TBC1D19: variants seen among roughly 807,000 people sequenced by gnomAD.
The protein encoded by TBC1D19 is TBC1 domain family member 19.
In TBC1D19, 60 loss-of-function variants were observed where a neutral mutation model predicts 89.0. The observed-to-expected ratio is 0.67, with a 90% CI of 0.55 to 0.84. TBC1D19 has a LOEUF of 0.84. Ranked by LOEUF, TBC1D19 falls within the 40% of genes least tolerant of loss-of-function variation. The probability of loss-of-function intolerance (pLI) is 0.00; values close to 1 mark genes in which losing one functional copy is unlikely to be tolerated. For missense variants in TBC1D19, 500 were observed against 610.8 expected (o/e 0.82, Z 1.91); for synonymous variants, 189 against 199.7 (o/e 0.95, Z 0.45).
intron 4 of TBC1D19, among the ~76,000 whole-genome samples, chr4:26,627,386 A>G (rs372411779): frequency 2.8e-4 from 42 of 152,236 alleles, no homozygotes; most frequent in African/African-American, 9.4e-4. Flanking sequence ...ATGATTTATA[A>G]TCCTTTGGGT....
chr4:26,660,035 T>C (rs1338095811), intron 8 of TBC1D19, among the ~76,000 whole-genome samples: 2 of 152,190 alleles, frequency 1.3e-5, no homozygotes, highest in African/African-American at 4.8e-5. Context: ...TTTTATAAGA[T>C]TATTTTTAAA....
At chr4:26,849,197 CACAA>C in the TBC1D19 span, among the ~76,000 whole-genome samples, 4 of 69,296 alleles carry the variant, frequency 5.8e-5, no homozygotes, top group Non-Finnish European at 9.5e-5. Context: ...TACACACACA[CACAA>C]ACACACACAC....
chr4:26,651,050 G>T (rs1196720747), intron 7 of TBC1D19, among the ~76,000 whole-genome samples: 2 of 152,060 alleles, frequency 1.3e-5, no homozygotes, highest in Admixed American at 6.6e-5. Context: ...ATTTCTGAGG[G>T]CTCTGTTCTG....
At chr4:26,649,769 T>A (rs1016507299) in intron 7 of TBC1D19, among the ~76,000 whole-genome samples, 70 of 152,216 alleles carry the variant, frequency 4.6e-4, no homozygotes, top group African/African-American at 1.4e-3. Flanking sequence ...CGTGCAGGTT[T>A]GTTACATATG....
In TBC1D19 at chr4:26,656,958, T is replaced by TTTCTTCTTC. The variant is rs56762622; in HGVS notation, c.481-2613_481-2605dup. Among the ~76,000 whole-genome samples, 70 of 47,860 alleles carry TTTCTTCTTC rather than the reference T, an allele frequency of 1.5e-3. 5 individuals carry two copies. The highest frequency in any genetic ancestry group is 0.013 in the East Asian group (18 of 1,422). 31.4% of individuals were successfully genotyped at this position (47,860 alleles called of 152,430 possible). Reference sequence around the variant, plus strand: ...GGTTTAGAGGAGATGCCCTGCAATCTTTCTTCTTCTTCTTCTTCTTCTTCT... The same window carrying TTTCTTCTTC: ...GGTTTAGAGGAGATGCCCTGCAATCTTTCTTCTTCTTCTTCTTCTTCTTCTTCTTCTTCT... On this transcript the variant is annotated intron_variant, in intron 7 of 20. Coordinates refer to ENST00000264866, the MANE Select transcript of TBC1D19 (RefSeq NM_018317.4).
At chr4:26,800,634 T>C in the TBC1D19 span, among the ~76,000 whole-genome samples, 2 of 152,266 alleles carry the variant, frequency 1.3e-5, no homozygotes, top group South Asian at 4.1e-4. Flanking sequence ...AGTGTAAAAG[T>C]GTTCCTATTT....
chr4:26,648,238 A>G (rs1347716603), intron 7 of TBC1D19, among the ~76,000 whole-genome samples: 2 of 152,212 alleles, frequency 1.3e-5, no homozygotes, highest in East Asian at 3.9e-4. Flanking sequence ...CATGTGAGAT[A>G]TCTTGGCCTA....
chr4:26,763,344 A>T, the TBC1D19 span, among the ~76,000 whole-genome samples: 1 of 152,184 alleles, frequency 6.6e-6, no homozygotes, highest in Non-Finnish European at 1.5e-5. Context: ...TTTAAGTCTG[A>T]TGAGAAACAT....
chr4:26,793,646 C>G, the TBC1D19 span, among the ~76,000 whole-genome samples: 7 of 150,544 alleles, frequency 4.6e-5, no homozygotes, highest in South Asian at 6.3e-4. Context: ...TCGCTTGAAA[C>G]CAGGAAGTGG....
chr4:26,740,621 A>G lies in TBC1D19; in HGVS notation c.1227+648A>G, dbSNP rs1295756503. 8.1e-6 allele frequency: 8 copies of G among 982,226 alleles called. No homozygotes were observed. The East Asian group carries it at 7.9e-4, about 98-fold the overall frequency. The allele number at this position is 982,226 out of a possible 1,614,324, so 60.8% of individuals were successfully genotyped here. A position where few individuals can be genotyped will look rare whatever the true frequency, so the allele number is the denominator to read the frequency against. On this transcript the variant is annotated intron_variant, in intron 17 of 20. Coordinates refer to ENST00000264866, the MANE Select transcript of TBC1D19 (RefSeq NM_018317.4). The stretch of plus-strand genomic sequence containing the variant: ...GTTCTCTTTTGGCTGTTCCTTTATC[A>G]TATCTTTTTTTTCCCTTCCCATAAA...
rs1716877560 is a variant in TBC1D19, at chr4:26,720,068, T to C, written c.1040-13T>C. The C allele has an allele frequency of 6.3e-7, 1 of 1,592,704 alleles. No homozygotes were observed. The highest frequency in any genetic ancestry group is 8.5e-7 in the Non-Finnish European group (1 of 1,169,794). ...TTAATCATATTGAAATCCTCTATGG[T>C]TTTCTCTTATAGGAAAACTAGGACT... On this transcript the variant is annotated splice_polypyrimidine_tract_variant and intron_variant, in intron 14 of 20. Transcript: ENST00000264866.
the TBC1D19 span, among the ~76,000 whole-genome samples, chr4:26,792,974 C>A: frequency 6.6e-6 from 1 of 152,198 alleles, no homozygotes; most frequent in African/African-American, 2.4e-5. Context: ...GCAATTCTGC[C>A]TTTCTCCCAA....
chr4:26,581,720 G>A (rs1185260328), upstream of TBC1D19, among the ~76,000 whole-genome samples: 1 of 152,102 alleles, frequency 6.6e-6, no homozygotes, highest in Non-Finnish European at 1.5e-5. Flanking sequence ...AGACTGAAGT[G>A]GTCTATCTAT....
At chr4:26,820,669 TTTCAA>T in the TBC1D19 span, among the ~76,000 whole-genome samples, 1,695 of 152,340 alleles carry the variant, frequency 0.011, 11 homozygotes, top group Non-Finnish European at 0.017. Context: ...GACATACCAA[TTTCAA>T]TTCTTTTGGA....
chr4:26,805,453 C>T, the TBC1D19 span, among the ~76,000 whole-genome samples: 1 of 152,218 alleles, frequency 6.6e-6, no homozygotes, highest in African/African-American at 2.4e-5. Flanking sequence ...GGGTGCCTAA[C>T]AGTCTTAGTC....
chr4:26,659,895 G>A (rs563977277), intron 8 of TBC1D19, among the ~76,000 whole-genome samples, 188 bp downstream of exon 8: 3 of 152,146 alleles, frequency 2.0e-5, no homozygotes, highest in Non-Finnish European at 2.9e-5. Flanking sequence ...AACTAAAAAT[G>A]AGTTCACATT....
the TBC1D19 span, among the ~76,000 whole-genome samples, chr4:26,857,481 A>AC: frequency 2.6e-5 from 4 of 151,910 alleles, no homozygotes; most frequent in African/African-American, 9.7e-5. Context: ...CTATACCTCC[A>AC]CCCCTACTAC....
chr4:26,699,446 A>C (rs1052633059), intron 13 of TBC1D19, among the ~76,000 whole-genome samples: 1 of 152,166 alleles, frequency 6.6e-6, no homozygotes, highest in African/African-American at 2.4e-5. Context: ...ATTGTGGAAG[A>C]TAGTGTGGCG....
At chr4:26,584,834 G>A (rs890996166) in intron 1 of TBC1D19, 1 of 175,782 alleles carries the variant, frequency 5.7e-6, no homozygotes, top group Admixed American at 5.8e-5. Flanking sequence ...GCTAGGCACT[G>A]AGGATGCACA....
Sources: allele counts gnomAD v4.1 joint callset (sites outside exome capture counted in the v4.1 genomes callset), GRCh38; gene constraint gnomAD v4.1.1; transcripts MANE v1.5; gene names NCBI Gene and HGNC (gene_info 2026-07-23, HGNC 2026-07-21).